Variants in ACTN4 observed in about 807,000 individuals in gnomAD.
The protein encoded by ACTN4 is alpha-actinin-4.
In ACTN4, 18 loss-of-function variants were observed where a neutral mutation model predicts 114.2. That is an observed-to-expected ratio of 0.16 (90% CI 0.11 to 0.23). The LOEUF (loss-of-function observed/expected upper bound fraction) is 0.23, where lower values mean the gene tolerates loss of function less well. Ranked by LOEUF, ACTN4 falls within the 10% of genes least tolerant of loss-of-function variation. The probability of loss-of-function intolerance (pLI) is 1.00; values close to 1 mark genes in which losing one functional copy is unlikely to be tolerated. For synonymous variants in ACTN4, 515 were observed against 506.3 expected, an observed-to-expected ratio of 1.02 and a Z score of -0.23; for missense variants, 722 against 1,262.9, an observed-to-expected ratio of 0.57 and a Z score of 6.49.
rs189313120 is a variant in ACTN4, at chr19:38,724,714, C to T, written c.2010+149C>T. 1.7e-5 allele frequency: 24 copies of T among 1,372,414 alleles called. 2 individuals are homozygous for T. The South Asian group carries it at 2.1e-4, about 12-fold the overall frequency. 85.0% of individuals were successfully genotyped at this position (1,372,414 alleles called of 1,614,324 possible). The stretch of plus-strand genomic sequence containing the variant: ...CCACCCAGGGGCCGTGATCACCCTG[C>T]GGGGTTAGGAGAGTCCACAGAGCTT... On this transcript the variant is annotated intron_variant, in intron 16 of 20. Coordinates refer to ENST00000252699, the MANE Select transcript of ACTN4 (RefSeq NM_004924.6). The surrounding 1 kb of genome is among the most constrained non-coding windows in gnomAD (Gnocchi z 7.0).
chr19:38,669,698 G>C (rs1022881595), intron 1 of ACTN4, among the ~76,000 whole-genome samples: 1 of 152,190 alleles, frequency 6.6e-6, no homozygotes, highest in African/African-American at 2.4e-5. Flanking sequence ...GCGGAGCCCA[G>C]CGTGGCCTCA....
At position 38,729,544 on chromosome 19, in the gene ACTN4, C is replaced by CGGGGTGGG. The variant is rs1398211974; in HGVS notation, c.*113_*120dup. On this transcript the variant is annotated 3_prime_UTR_variant, in exon 21 of 21. Coordinates refer to ENST00000252699, the MANE Select transcript of ACTN4 (RefSeq NM_004924.6). ...ATGCAAAGCACTCTCTGCAGTCCTC[C>CGGGGTGGG]GGGGTGGGTGGGTGGGCAGGGAGGG... The CGGGGTGGG allele has an allele frequency of 6.8e-6, 2 of 293,800 alleles. No individual in the cohort carries two copies. The highest frequency in any genetic ancestry group is 9.5e-6 in the Non-Finnish European group (2 of 210,354). The allele number at this position is 293,800 out of a possible 1,614,324, so 18.2% of individuals were successfully genotyped here. A position where few individuals can be genotyped will look rare whatever the true frequency, so the allele number is the denominator to read the frequency against.
intron 8 of ACTN4, 124 bp downstream of exon 8, chr19:38,710,466 A>G (rs1262538448): frequency 3.9e-6 from 4 of 1,031,640 alleles, no homozygotes; most frequent in Non-Finnish European, 6.0e-6. Context: ...ACTGGAAGCC[A>G]CCCCCAGCTC....
At chr19:38,706,156 C>T in intron 5 of ACTN4, 25 bp downstream of exon 5, 1 of 1,605,976 alleles carries the variant, frequency 6.2e-7, no homozygotes, top group South Asian at 1.1e-5. Flanking sequence ...TGGTCATCCT[C>T]TCCTTTCCTC....
chr19:38,714,720 C>T (rs1368931517), intron 9 of ACTN4, among the ~76,000 whole-genome samples, 159 bp downstream of exon 9: 1 of 152,246 alleles, frequency 6.6e-6, no homozygotes, highest in East Asian at 1.9e-4. Context: ...TGTACACGAC[C>T]TCTCCGTTTG....
chr19:38,731,497 T>C lies in ACTN4; in HGVS notation c.*2065T>C, dbSNP rs1189086978. 1.2e-5 allele frequency: 6 copies of C among 511,254 alleles called. No individual in the cohort carries two copies. The highest frequency in any genetic ancestry group is 9.6e-5 in the African/African-American group (5 of 52,220). The allele number at this position is 511,254 out of a possible 1,614,324, so 31.7% of individuals were successfully genotyped here. A position where few individuals can be genotyped will look rare whatever the true frequency, so the allele number is the denominator to read the frequency against. ...GACACGTGACTCGATGTGTGGGTAC[T>C]GTTACTCCTTAAATCCTGTGGGGCT... On this transcript the variant is annotated 3_prime_UTR_variant, in exon 21 of 21. Transcript: ENST00000252699.
At chr19:38,718,114 C>A (rs761287376) in intron 11 of ACTN4, 40 bp downstream of exon 11, 1 of 1,574,642 alleles carries the variant, frequency 6.4e-7, no homozygotes, top group East Asian at 2.3e-5. Context: ...AGCCCCGCTC[C>A]CGTGCTCCCC....
intron 1 of ACTN4, among the ~76,000 whole-genome samples, chr19:38,685,922 C>T (rs1050173431): frequency 6.6e-6 from 1 of 152,154 alleles, no homozygotes; most frequent in Non-Finnish European, 1.5e-5. Flanking sequence ...TCCAGGGCCT[C>T]GCATATTCAC....
At chr19:38,705,043 C>T in intron 4 of ACTN4, 23 bp downstream of exon 4, 1 of 1,602,534 alleles carries the variant, frequency 6.2e-7, no homozygotes, top group Non-Finnish European at 8.6e-7. Context: ...TGTACTGCCC[C>T]CGCTTCCCAC....
At chr19:38,681,627 C>T (rs1426858463) in intron 1 of ACTN4, among the ~76,000 whole-genome samples, 1 of 152,208 alleles carries the variant, frequency 6.6e-6, no homozygotes, top group Non-Finnish European at 1.5e-5. Context: ...CAGGTGTCAC[C>T]TGACCTTTGC....
intron 1 of ACTN4, among the ~76,000 whole-genome samples, chr19:38,661,032 A>G (rs1419924479): frequency 6.6e-6 from 1 of 152,148 alleles, no homozygotes; most frequent in African/African-American, 2.4e-5. Flanking sequence ...AGAGAAAACC[A>G]AGCAAGGGGG....
intron 1 of ACTN4, among the ~76,000 whole-genome samples, chr19:38,677,567 C>G (rs1188292169): frequency 6.6e-6 from 1 of 151,948 alleles, no homozygotes; most frequent in Non-Finnish European, 1.5e-5. Flanking sequence ...CATGACCGCC[C>G]AGGCCCCACT....
intron 11 of ACTN4, among the ~76,000 whole-genome samples, chr19:38,720,512 C>T (rs1208363446): frequency 6.6e-6 from 1 of 152,256 alleles, no homozygotes; most frequent in Admixed American, 6.5e-5. Flanking sequence ...CAGAGTCTCC[C>T]AGGCCTCCCA....
At chr19:38,722,721 A>G (rs1401217117) in intron 12 of ACTN4, among the ~76,000 whole-genome samples, 1 of 152,234 alleles carries the variant, frequency 6.6e-6, no homozygotes, top group East Asian at 1.9e-4. Context: ...TGGGGGTGGG[A>G]CACAGGCAGC....
At chr19:38,695,720 AG>A (rs1213902516) in intron 1 of ACTN4, among the ~76,000 whole-genome samples, 1 of 151,900 alleles carries the variant, frequency 6.6e-6, no homozygotes, top group East Asian at 1.9e-4. Context: ...TGCTCTTCCC[AG>A]TATCTGGAAG....
chr19:38,731,425 C>A lies in ACTN4; in HGVS notation c.*1993C>A. On this transcript the variant is annotated 3_prime_UTR_variant, in exon 21 of 21. Coordinates refer to ENST00000252699, the MANE Select transcript of ACTN4 (RefSeq NM_004924.6). ...CATCCATCAAACGGACTAAGACAGC[C>A]CCGACCCCATAGGGTGTGTGAAGAC... is the stretch of plus-strand genomic sequence containing the variant. 1 of 606,860 alleles carries A rather than the reference C, an allele frequency of 1.6e-6. No homozygotes were observed. The allele number at this position is 606,860 out of a possible 1,614,324, so 37.6% of individuals were successfully genotyped here.
intron 8 of ACTN4, among the ~76,000 whole-genome samples, chr19:38,712,587 G>A (rs758475264): frequency 7.2e-5 from 11 of 152,146 alleles, no homozygotes; most frequent in Admixed American, 2.0e-4. Flanking sequence ...CTCAGCATGC[G>A]ATTGGAGCTT....
intron 1 of ACTN4, among the ~76,000 whole-genome samples, chr19:38,665,873 C>T (rs117087613): frequency 0.025 from 3,827 of 152,262 alleles, 79 homozygotes; most frequent in Admixed American, 0.06. Context: ...TCCCCTTCCC[C>T]GCAAAGCAAA....
At chr19:38,682,074 A>G (rs1241143480) in intron 1 of ACTN4, among the ~76,000 whole-genome samples, 1 of 151,672 alleles carries the variant, frequency 6.6e-6, no homozygotes, top group East Asian at 1.9e-4. Flanking sequence ...CAAGTGATCC[A>G]CCCACCTCAG....
Sources: allele counts gnomAD v4.1 joint callset (sites outside exome capture counted in the v4.1 genomes callset), GRCh38; gene constraint gnomAD v4.1.1; non-coding constraint Gnocchi (gnomAD v3.1); transcripts MANE v1.5; gene names NCBI Gene and HGNC (gene_info 2026-07-23, HGNC 2026-07-21).